The following BLTP1 variants were observed in gnomAD, a reference collection of about 807,000 sequenced individuals.
BLTP1 encodes bridge-like lipid transfer protein family member 1, also known as fragile site-associated protein.
chr4:122,336,449 A>G, the BLTP1 span: 1,515 of 772,106 alleles, frequency 2.0e-3, 21 homozygotes, highest in African/African-American at 0.025. Context: ...ATTACATAAT[A>G]TATGCAATTA....
chr4:122,309,171 G>A, the BLTP1 span: 1,788 of 1,472,888 alleles, frequency 1.2e-3, 26 homozygotes, highest in African/African-American at 0.021. Context: ...AGGCTTGACC[G>A]TTTCTAGATT....
At chr4:122,302,338 A>C in the BLTP1 span, 1 of 699,508 alleles carries the variant, frequency 1.4e-6, no homozygotes, top group Non-Finnish European at 1.8e-6. Context: ...TGTGTTTCAC[A>C]GGTATTGAGG....
At chr4:122,181,566 A>G in the BLTP1 span, among the ~76,000 whole-genome samples, 1 of 151,994 alleles carries the variant, frequency 6.6e-6, no homozygotes, top group South Asian at 2.1e-4. Context: ...GTTAGTGAAC[A>G]TAATCTGTTT....
the BLTP1 span, among the ~76,000 whole-genome samples, chr4:122,248,473 A>AAT: frequency 6.6e-6 from 1 of 151,974 alleles, no homozygotes; most frequent in Non-Finnish European, 1.5e-5. Flanking sequence ...ATAACCTCAT[A>AAT]ATATTTGTTA....
chr4:122,248,780 G>T, the BLTP1 span, among the ~76,000 whole-genome samples: 3 of 151,930 alleles, frequency 2.0e-5, no homozygotes, highest in African/African-American at 7.2e-5. Context: ...ATTTACTGTT[G>T]CATGAAAATG....
the BLTP1 span, among the ~76,000 whole-genome samples, chr4:122,311,376 G>C: frequency 5.6e-4 from 85 of 151,964 alleles, no homozygotes; most frequent in Non-Finnish European, 1.0e-3. Context: ...CTTGGGAGGG[G>C]GCCAGAAGGA....
chr4:122,203,962 GT>G, the BLTP1 span: 2 of 352,876 alleles, frequency 5.7e-6, no homozygotes, highest in South Asian at 2.3e-4. Flanking sequence ...TTCAATTTTT[GT>G]TTATTTCACT....
chr4:122,243,645 A>G, the BLTP1 span, among the ~76,000 whole-genome samples: 42,722 of 151,968 alleles, frequency 0.28, 6,441 homozygotes, highest in African/African-American at 0.37. Flanking sequence ...GCTACTTGGG[A>G]GGAGGAGGTT....
the BLTP1 span, chr4:122,208,618 A>G: frequency 5.1e-6 from 5 of 983,042 alleles, no homozygotes; most frequent in South Asian, 1.9e-4. Flanking sequence ...GTGGATACCC[A>G]TGGAAGACAT....
chr4:122,214,350 TA>T, the BLTP1 span: 1 of 930,186 alleles, frequency 1.1e-6, no homozygotes, highest in Non-Finnish European at 1.3e-6. Flanking sequence ...AATTCAAGCA[TA>T]ATGTAAATTT....
the BLTP1 span, chr4:122,308,216 A>G: frequency 8.3e-6 from 13 of 1,561,372 alleles, no homozygotes; most frequent in Non-Finnish European, 1.1e-5. Context: ...CTACATAACC[A>G]TTTCTAAGTA....
At chr4:122,287,594 A>G in the BLTP1 span, 4 of 985,220 alleles carry the variant, frequency 4.1e-6, no homozygotes, top group Non-Finnish European at 4.8e-6. Context: ...TGAAAAAGCA[A>G]TGTGCTATTT....
At chr4:122,313,632 A>G in the BLTP1 span, 3 of 1,587,582 alleles carry the variant, frequency 1.9e-6, no homozygotes, top group Admixed American at 3.5e-5. Context: ...GTACAGGTGT[A>G]GTTCCAGATG....
At chr4:122,350,761 A>G in the BLTP1 span, among the ~76,000 whole-genome samples, 1 of 152,278 alleles carries the variant, frequency 6.6e-6, no homozygotes, top group South Asian at 2.1e-4. Context: ...GGGGGAAGAG[A>G]GTTCCAGGCA....
chr4:122,185,456 C>T, the BLTP1 span: 32 of 980,028 alleles, frequency 3.3e-5, no homozygotes, highest in Non-Finnish European at 3.8e-5. Flanking sequence ...GAAACAAGTG[C>T]CTCATCCATC....
chr4:122,255,168 A>G, the BLTP1 span: 2 of 1,605,912 alleles, frequency 1.2e-6, no homozygotes, highest in Non-Finnish European at 1.7e-6. Context: ...AGTAAATACA[A>G]CAGGCTTACA....
chr4:122,330,990 C>A, the BLTP1 span: 22 of 975,344 alleles, frequency 2.3e-5, no homozygotes, highest in East Asian at 2.4e-3. Context: ...GTTGTTCTGT[C>A]TTTAATAAAA....
the BLTP1 span, chr4:122,347,219 A>T: frequency 1.0e-6 from 1 of 984,832 alleles, no homozygotes; most frequent in African/African-American, 1.7e-5. Context: ...TGAAATCAAG[A>T]GATTTTTGGA....
the BLTP1 span, chr4:122,292,586 A>G: frequency 1.1e-6 from 1 of 923,970 alleles, no homozygotes; most frequent in Non-Finnish European, 1.3e-6. Context: ...GTTAGGTAAT[A>G]TAACATGAAG....
Sources: allele counts gnomAD v4.1 joint callset (sites outside exome capture counted in the v4.1 genomes callset), GRCh38; gene constraint gnomAD v4.1.1; transcripts MANE v1.5; gene names NCBI Gene and HGNC (gene_info 2026-07-23, HGNC 2026-07-21).